Variants in DPP10 observed in about 807,000 individuals in gnomAD.
DPP10 encodes the protein dipeptidyl peptidase like 10.
DPP10 carries 33 observed loss-of-function variants against 120.9 expected under a neutral mutation model. That is an observed-to-expected ratio of 0.27 (90% CI 0.21 to 0.37). DPP10 has a LOEUF of 0.37. Ranked by LOEUF, DPP10 falls within the 10% of genes least tolerant of loss-of-function variation. The pLI is 1.00. For synonymous variants in DPP10, 337 were observed against 326.1 expected (o/e 1.03, Z -0.36); for missense variants, 816 against 942.8 (o/e 0.87, Z 1.76).
At chr2:115,316,848 C>T (rs915177402) in intron 2 of DPP10, among the ~76,000 whole-genome samples, 36 of 152,130 alleles carry the variant, frequency 2.4e-4, no homozygotes, top group Admixed American at 2.2e-3. Flanking sequence ...TGGCTCATGC[C>T]TGTAATCCCA....
chr2:114,541,426 T>C (rs1353073456), intron 1 of DPP10, among the ~76,000 whole-genome samples: 1 of 152,116 alleles, frequency 6.6e-6, no homozygotes, highest in Non-Finnish European at 1.5e-5. Context: ...TGTCAGGAAT[T>C]CCGGAATTCC....
At chr2:115,680,487 AG>A (rs1435400211) in intron 5 of DPP10, among the ~76,000 whole-genome samples, 1 of 152,058 alleles carries the variant, frequency 6.6e-6, no homozygotes, top group East Asian at 1.9e-4. Context: ...GACAAATTAC[AG>A]AACAAATTGC....
At chr2:115,557,326 A>T (rs1431935500) in intron 5 of DPP10, among the ~76,000 whole-genome samples, 1 of 152,164 alleles carries the variant, frequency 6.6e-6, no homozygotes, top group African/African-American at 2.4e-5. Flanking sequence ...GAGAAAATTG[A>T]TGAAAGCCTA....
Position 115,611,817 on chromosome 2 carries a change from T to TTC in DPP10, c.442-77855_442-77854dup, listed in dbSNP as rs537982424. Among the ~76,000 whole-genome samples the TTC allele has an allele frequency of 1.5e-4, 22 of 151,476 alleles. No individual in the cohort carries two copies. In the East Asian group the frequency reaches 1.7e-3, roughly 12 times the overall value. On this transcript the variant is annotated intron_variant, in intron 5 of 25. Coordinates refer to ENST00000410059, the MANE Select transcript of DPP10 (RefSeq NM_020868.6). ...GAAGTCACTTGATTTTCTGAAATAT[T>TTC]TCTCTCTCTCTCTCTCAAAAATCTG... is the stretch of plus-strand genomic sequence containing the variant.
intron 1 of DPP10, among the ~76,000 whole-genome samples, chr2:114,458,493 T>C (rs1678702551): frequency 6.6e-6 from 1 of 152,152 alleles, no homozygotes; most frequent in Non-Finnish European, 1.5e-5. Flanking sequence ...TTTTGACATA[T>C]GTATATTTTG....
At chr2:114,706,466 T>C (rs1174934477) in intron 1 of DPP10, among the ~76,000 whole-genome samples, 1 of 152,214 alleles carries the variant, frequency 6.6e-6, no homozygotes, top group African/African-American at 2.4e-5. Flanking sequence ...CTATCTTAGC[T>C]TATGGGTGAT....
intron 1 of DPP10, among the ~76,000 whole-genome samples, chr2:114,443,779 C>A (rs1677792690): frequency 6.6e-6 from 1 of 151,118 alleles, no homozygotes; most frequent in East Asian, 1.9e-4. Flanking sequence ...CATTAACATA[C>A]AAGTGCATAC....
At chr2:115,544,996 A>C (rs964024193) in intron 5 of DPP10, among the ~76,000 whole-genome samples, 1 of 152,036 alleles carries the variant, frequency 6.6e-6, no homozygotes, top group Non-Finnish European at 1.5e-5. Flanking sequence ...ATAGTTACCG[A>C]GAAATGACAG....
At chr2:114,744,990 G>C (rs1438100610) in intron 1 of DPP10, among the ~76,000 whole-genome samples, 1 of 152,088 alleles carries the variant, frequency 6.6e-6, no homozygotes, top group Admixed American at 6.6e-5. Flanking sequence ...TCGAACTCCT[G>C]ACCTTGTGAT....
At chr2:115,260,845 G>C (rs2059221405) in intron 1 of DPP10, among the ~76,000 whole-genome samples, 1 of 152,094 alleles carries the variant, frequency 6.6e-6, no homozygotes, top group South Asian at 2.1e-4. Context: ...GTCTATCCTT[G>C]GGTTCATAAG....
At chr2:114,961,020 C>T (rs114338593) in intron 1 of DPP10, among the ~76,000 whole-genome samples, 1,454 of 129,922 alleles carry the variant, frequency 0.011, 32 homozygotes, top group African/African-American at 0.039. Flanking sequence ...TAATTCTCTA[C>T]ATCTCTATAC....
chr2:114,808,275 T>C (rs1319908371), intron 1 of DPP10, among the ~76,000 whole-genome samples: 1 of 152,210 alleles, frequency 6.6e-6, no homozygotes, highest in Non-Finnish European at 1.5e-5. Flanking sequence ...ATTCTGTTCT[T>C]AATAGATATT....
At chr2:115,358,431 A>G (rs1382787304) in intron 3 of DPP10, among the ~76,000 whole-genome samples, 1 of 152,158 alleles carries the variant, frequency 6.6e-6, no homozygotes, top group Non-Finnish European at 1.5e-5. Context: ...TTACATCACT[A>G]TCAGCATTTT....
At chr2:114,858,809 A>T (rs1296919882) in intron 1 of DPP10, among the ~76,000 whole-genome samples, 1 of 152,108 alleles carries the variant, frequency 6.6e-6, no homozygotes, top group Non-Finnish European at 1.5e-5. Flanking sequence ...GTGCTTTTTA[A>T]TATTTACATT....
At chr2:115,591,713 G>A (rs1438564166) in intron 5 of DPP10, among the ~76,000 whole-genome samples, 2 of 152,138 alleles carry the variant, frequency 1.3e-5, no homozygotes, top group East Asian at 3.9e-4. Flanking sequence ...TAGCTTGATG[G>A]GGATGGCATT....
intron 1 of DPP10, among the ~76,000 whole-genome samples, chr2:114,460,573 C>T (rs1678846066): frequency 6.6e-6 from 1 of 152,028 alleles, no homozygotes; most frequent in South Asian, 2.1e-4. Context: ...TTATTTATGA[C>T]ACAAATTTTT....
intron 24 of DPP10, among the ~76,000 whole-genome samples, chr2:115,837,340 C>T (rs999721131): frequency 2.0e-5 from 3 of 152,148 alleles, no homozygotes; most frequent in Admixed American, 6.5e-5. Context: ...TTACATGACA[C>T]TCTTAGGGAC....
intron 1 of DPP10, among the ~76,000 whole-genome samples, chr2:115,125,610 C>T (rs541894590): frequency 4.8e-4 from 64 of 133,394 alleles, no homozygotes; most frequent in African/African-American, 1.6e-3. Flanking sequence ...CTCGCTCTGT[C>T]GCCCAGGCTG....
At chr2:115,210,801 G>C (rs2056461054) in intron 1 of DPP10, among the ~76,000 whole-genome samples, 1 of 151,966 alleles carries the variant, frequency 6.6e-6, no homozygotes, top group South Asian at 2.1e-4. Flanking sequence ...GTGTCTGTTG[G>C]CTGCATAAAT....
Sources: allele counts gnomAD v4.1 joint callset (sites outside exome capture counted in the v4.1 genomes callset), GRCh38; gene constraint gnomAD v4.1.1; transcripts MANE v1.5; gene names NCBI Gene and HGNC (gene_info 2026-07-23, HGNC 2026-07-21).